Variants in HCN1 observed in about 807,000 individuals in gnomAD.
The protein encoded by HCN1 is potassium/sodium hyperpolarization-activated cyclic nucleotide-gated channel 1.
HCN1 carries 13 observed loss-of-function variants against 78.9 expected under a neutral mutation model. That is an observed-to-expected ratio of 0.16 (90% CI 0.11 to 0.26). HCN1 has a LOEUF of 0.26. Ranked by LOEUF, HCN1 falls within the 10% of genes least tolerant of loss-of-function variation. HCN1 has a pLI of 1.00. For synonymous variants in HCN1, 552 were observed against 455.5 expected, an observed-to-expected ratio of 1.21 and a Z score of -2.70; for missense variants, 810 against 1,154.3, an observed-to-expected ratio of 0.70 and a Z score of 4.32.
intron 3 of HCN1, among the ~76,000 whole-genome samples, chr5:45,429,684 A>G (rs1740424253): frequency 6.6e-6 from 1 of 152,168 alleles, no homozygotes; most frequent in Non-Finnish European, 1.5e-5. Flanking sequence ...TTGAATTGGT[A>G]ATGAAAGTGT....
At position 45,376,064 on chromosome 5, in the gene HCN1, T is replaced by A. The variant is rs528013510; in HGVS notation, c.1230+20428A>T. Among the ~76,000 whole-genome samples the A allele has an allele frequency of 1.1e-3, 123 of 110,934 alleles. No homozygotes were observed. In the East Asian group the frequency reaches 0.016, roughly 15 times the overall value. The allele number at this position is 110,934 out of a possible 152,430, so 72.8% of individuals were successfully genotyped here. A position where few individuals can be genotyped will look rare whatever the true frequency, so the allele number is the denominator to read the frequency against. ...TTTATAATATATATTATATACAATA[T>A]AATATGTTATAATATATATTATATT... On this transcript the variant is annotated intron_variant, in intron 4 of 7. Transcript: ENST00000303230.
chr5:45,542,767 C>T (rs779322073), intron 2 of HCN1, among the ~76,000 whole-genome samples: 16 of 152,144 alleles, frequency 1.1e-4, no homozygotes, highest in Non-Finnish European at 2.2e-4. Flanking sequence ...TAGCTGAAAT[C>T]ACAGATTTTG....
intron 5 of HCN1, among the ~76,000 whole-genome samples, chr5:45,321,558 A>C (rs1298159966): frequency 6.6e-6 from 1 of 151,890 alleles, no homozygotes; most frequent in African/African-American, 2.4e-5. Context: ...CAAAATGAAA[A>C]AAAAGAGTCA....
chr5:45,262,104 C>T lies in HCN1; in HGVS notation c.2490G>A (p.Gly830=). The part of the protein sequence containing the change: ...TAVPGTGLQA[G]GRSTVPQRVT... ...CGCGCTGCGGGACAGTGCTCCTGCC[C>T]CCTGCCTGAAGGCCCGTTCCGGGGA... Residue 830 remains glycine (G), a synonymous_variant, in exon 8 of 8, where the codon GGG becomes GGA. Transcript: ENST00000303230. The T allele has an allele frequency of 6.2e-7, 1 of 1,612,722 alleles. No homozygotes were observed. The highest frequency in any genetic ancestry group is 1.1e-5 in the South Asian group (1 of 91,058).
intron 2 of HCN1, among the ~76,000 whole-genome samples, chr5:45,533,691 T>C (rs757800836): frequency 6.6e-6 from 1 of 152,156 alleles, no homozygotes; most frequent in Non-Finnish European, 1.5e-5. Context: ...ACAGCAAGAA[T>C]TGGAGAAAGG....
intron 1 of HCN1, among the ~76,000 whole-genome samples, chr5:45,660,155 TC>T (rs1745897986): frequency 1.6e-5 from 2 of 121,628 alleles, no homozygotes; most frequent in African/African-American, 7.4e-5. Flanking sequence ...TATTCAACAT[TC>T]TTAAAGAAAA....
chr5:45,693,079 T>C (rs1242695827), intron 1 of HCN1, among the ~76,000 whole-genome samples: 1 of 152,144 alleles, frequency 6.6e-6, no homozygotes, highest in East Asian at 1.9e-4. Context: ...GGGCCTAAAG[T>C]AAAGGCTAGA....
chr5:45,373,661 C>T lies in HCN1; in HGVS notation c.1231-20415G>A, dbSNP rs866325267. ...TACGTCATCTATAATATATTACATACGGTATATACGTCATCTATAATATAT... is the reference window on the plus strand; with the variant it reads ...TACGTCATCTATAATATATTACATATGGTATATACGTCATCTATAATATAT... On this transcript the variant is annotated intron_variant, in intron 4 of 7. Coordinates refer to ENST00000303230, the MANE Select transcript of HCN1 (RefSeq NM_021072.4). 8.1e-5 allele frequency among the ~76,000 whole-genome samples: 10 copies of T among 123,770 alleles called. 1 individual carries two copies. Among genetic ancestry groups the T allele is most frequent in the African/African-American group, 1.6e-4 (5 of 31,576 alleles). 81.2% of individuals were successfully genotyped at this position (123,770 alleles called of 152,430 possible). A position where few individuals can be genotyped will look rare whatever the true frequency, so the allele number is the denominator to read the frequency against.
At chr5:45,678,152 G>A (rs748905102) in intron 1 of HCN1, among the ~76,000 whole-genome samples, 2 of 151,852 alleles carry the variant, frequency 1.3e-5, no homozygotes, top group Non-Finnish European at 2.9e-5. Context: ...GTCCAAATAA[G>A]TGATGGCTAC....
chr5:45,329,565 A>C (rs1043271368), intron 5 of HCN1, among the ~76,000 whole-genome samples: 2 of 151,486 alleles, frequency 1.3e-5, no homozygotes, highest in Non-Finnish European at 3.0e-5. Flanking sequence ...TTTAATGAAC[A>C]TATTGTACAT....
intron 2 of HCN1, among the ~76,000 whole-genome samples, chr5:45,607,161 A>T (rs1744741246): frequency 6.6e-6 from 1 of 151,870 alleles, no homozygotes; most frequent in African/African-American, 2.4e-5. Flanking sequence ...CTAAAGTAGA[A>T]ATAACACGAT....
chr5:45,341,982 T>C (rs925032872), intron 5 of HCN1, among the ~76,000 whole-genome samples: 1 of 152,044 alleles, frequency 6.6e-6, no homozygotes, highest in Admixed American at 6.6e-5. Context: ...TGTTTCCTAA[T>C]ATTAAAAAAA....
chr5:45,454,943 T>C (rs1180734580), intron 3 of HCN1, among the ~76,000 whole-genome samples: 4 of 152,096 alleles, frequency 2.6e-5, no homozygotes, highest in African/African-American at 4.8e-5. Flanking sequence ...ATTGGGATGA[T>C]TATAGTTTTT....
In HCN1 at chr5:45,262,865, C is replaced by A. The variant is rs1054356507; in HGVS notation, c.1784-55G>T. The A allele has an allele frequency of 7.5e-5, 120 of 1,594,362 alleles. No homozygotes were observed. The Middle Eastern group carries it at 2.4e-3, about 32-fold the overall frequency. ...AAAGCCTACCAATGACTGATGACAA[C>A]GCCAAGTGAGAGTGGCTCCTGCAAA... On this transcript the variant is annotated intron_variant, in intron 7 of 7. Transcript: ENST00000303230.
chr5:45,690,562 C>A (rs375932761), intron 1 of HCN1, among the ~76,000 whole-genome samples: 96 of 152,096 alleles, frequency 6.3e-4, no homozygotes, highest in African/African-American at 2.0e-3. Context: ...TTCCAGGATG[C>A]ACCAGGAATC....
intron 1 of HCN1, among the ~76,000 whole-genome samples, chr5:45,658,547 T>G (rs1437074562): frequency 1.3e-5 from 2 of 151,904 alleles, no homozygotes; most frequent in Non-Finnish European, 2.9e-5. Context: ...AGGTAACGGG[T>G]TCATCTCACT....
intron 4 of HCN1, among the ~76,000 whole-genome samples, chr5:45,371,861 C>CATTAGTAT (rs1561127541): frequency 8.4e-6 from 1 of 119,174 alleles, no homozygotes; most frequent in East Asian, 2.3e-4. Context: ...ATATAATATA[C>CATTAGTAT]ATTAGTAATA....
At chr5:45,685,829 G>A (rs1349321021) in intron 1 of HCN1, among the ~76,000 whole-genome samples, 1 of 152,318 alleles carries the variant, frequency 6.6e-6, no homozygotes, top group East Asian at 1.9e-4. Context: ...TTGCATGAAG[G>A]TAAAAAGGAA....
At chr5:45,375,247 T>C (rs1463017556) in intron 4 of HCN1, among the ~76,000 whole-genome samples, 2 of 117,586 alleles carry the variant, frequency 1.7e-5, no homozygotes, top group Non-Finnish European at 3.2e-5. Flanking sequence ...TAATATATTA[T>C]ACATAATATA....
Sources: allele counts gnomAD v4.1 joint callset (sites outside exome capture counted in the v4.1 genomes callset), GRCh38; gene constraint gnomAD v4.1.1; transcripts MANE v1.5; gene names NCBI Gene and HGNC (gene_info 2026-07-23, HGNC 2026-07-21).